Variants in VSTM2B observed in about 807,000 individuals in gnomAD.
VSTM2B encodes V-set and transmembrane domain containing 2B.
In VSTM2B, 24 loss-of-function variants were observed where a neutral mutation model predicts 24.0. That is an observed-to-expected ratio of 1.00 (90% CI 0.72 to 1.40). The LOEUF (loss-of-function observed/expected upper bound fraction) is 1.40, where lower values mean the gene tolerates loss of function less well. Among genes scored for constraint, VSTM2B ranks in the 40% most tolerant of loss-of-function variants. The pLI, the probability that VSTM2B is intolerant of heterozygous loss-of-function variation, is 0.00. For missense variants in VSTM2B, 399 were observed against 416.4 expected (o/e 0.96, Z 0.36); for synonymous variants, 226 against 194.4 (o/e 1.16, Z -1.35).
In VSTM2B at chr19:29,529,818, G is replaced by T; in HGVS notation, c.298-1G>T. ...CGGCCTCTAACCCTGCTCTCTTGCA[G>T]ACCGTACGCGTCCAGGGCAATGACA... On this transcript the variant is annotated splice_acceptor_variant, in intron 3 of 4. Transcript: ENST00000335523. LOFTEE classifies it high-confidence loss of function. The T allele has an allele frequency of 1.9e-6, 3 of 1,549,112 alleles. No individual in the cohort carries two copies. The highest frequency in any genetic ancestry group is 1.2e-5 in the South Asian group (1 of 83,634).
chr19:29,539,854 C>G (rs1290823151), intron 4 of VSTM2B, among the ~76,000 whole-genome samples: 1 of 152,176 alleles, frequency 6.6e-6, no homozygotes, highest in Non-Finnish European at 1.5e-5. Flanking sequence ...CTGTCTCCAC[C>G]CCTCACGCCC....
In VSTM2B at chr19:29,561,513, T is replaced by C. The variant is rs1294045593; in HGVS notation, c.770-2333T>C. ...GGTGTGGGGTGCCTGTAATCCCAGC[T>C]ACTTGGGAGGCTGAGGCAGGAGAAT... is the stretch of plus-strand genomic sequence containing the variant. On this transcript the variant is annotated intron_variant, in intron 4 of 4. Transcript: ENST00000335523. Among the ~76,000 whole-genome samples the C allele has an allele frequency of 2.6e-5, 4 of 152,016 alleles. No homozygotes were observed. In the East Asian group the frequency reaches 7.7e-4, roughly 29 times the overall value.
intron 4 of VSTM2B, among the ~76,000 whole-genome samples, chr19:29,553,331 C>A (rs1247275022): frequency 6.6e-6 from 1 of 152,170 alleles, no homozygotes; most frequent in Non-Finnish European, 1.5e-5. Flanking sequence ...CTGGAGTGGA[C>A]CCCCAGCAAA....
intron 4 of VSTM2B, among the ~76,000 whole-genome samples, chr19:29,545,823 C>G (rs1970140291): frequency 6.6e-6 from 1 of 151,942 alleles, no homozygotes; most frequent in African/African-American, 2.4e-5. Flanking sequence ...TTTGGTAGAA[C>G]CAACCTGCAC....
intron 4 of VSTM2B, among the ~76,000 whole-genome samples, chr19:29,543,117 G>T (rs1419638458): frequency 6.6e-6 from 1 of 152,134 alleles, no homozygotes; most frequent in Non-Finnish European, 1.5e-5. Context: ...GCTGATTCTT[G>T]TCCACGTACA....
rs181698277 is a variant in VSTM2B at position 29,561,750 on chromosome 19, C to A, written c.770-2096C>A. Among the ~76,000 whole-genome samples, 463 of 152,332 alleles carry A rather than the reference C, an allele frequency of 3.0e-3. 6 individuals are homozygous for A. Among genetic ancestry groups the A allele is most frequent in the South Asian group, 0.027 (132 of 4,824 alleles). On this transcript the variant is annotated intron_variant, in intron 4 of 4. Coordinates refer to ENST00000335523, the MANE Select transcript of VSTM2B (RefSeq NM_001146339.2). ...TGGCTGGATCCCCACTTTCCACACA[C>A]CCGAGCCTCAGGGAACTCCACCCAG...
intron 4 of VSTM2B, 71 bp downstream of exon 4, chr19:29,530,361 G>A (rs1969720250): frequency 4.4e-6 from 6 of 1,349,818 alleles, no homozygotes; most frequent in Non-Finnish European, 5.8e-6. Context: ...GGACGCCCCG[G>A]GGGGCTCCGG....
intron 4 of VSTM2B, among the ~76,000 whole-genome samples, chr19:29,557,427 G>A (rs1025089145): frequency 5.3e-5 from 8 of 152,208 alleles, no homozygotes; most frequent in South Asian, 2.1e-4. Context: ...AGCTGGGCAC[G>A]GTGGCTTATG....
chr19:29,532,302 A>T lies in VSTM2B; in HGVS notation c.769+2012A>T, dbSNP rs142720455. Reference sequence around the variant, plus strand: ...CAACATGGATGTAGGGCCCGCTGGGAAATGTAGTCCTTGGTGTGGCGGCTG... The same window carrying T: ...CAACATGGATGTAGGGCCCGCTGGGTAATGTAGTCCTTGGTGTGGCGGCTG... On this transcript the variant is annotated intron_variant, in intron 4 of 4. Coordinates refer to ENST00000335523, the MANE Select transcript of VSTM2B (RefSeq NM_001146339.2). Among the ~76,000 whole-genome samples, 61 of 152,270 alleles carry T rather than the reference A, an allele frequency of 4.0e-4. No individual in the cohort carries two copies. The East Asian group carries it at 0.011, about 27-fold the overall frequency.
chr19:29,529,724 T>C, intron 3 of VSTM2B, 95 bp from the exon 4 acceptor site: 3 of 1,233,910 alleles, frequency 2.4e-6, no homozygotes, highest in Non-Finnish European at 3.4e-6. Context: ...CGGGAAGTGT[T>C]GGGGTGCGCG....
intron 4 of VSTM2B, among the ~76,000 whole-genome samples, chr19:29,532,379 G>T (rs1286380995): frequency 2.6e-5 from 4 of 152,188 alleles, no homozygotes; most frequent in African/African-American, 9.7e-5. Flanking sequence ...TCTTCGAGGA[G>T]TTAGCCATCT....
intron 4 of VSTM2B, among the ~76,000 whole-genome samples, chr19:29,555,715 A>T (rs1232997425): frequency 1.3e-5 from 2 of 152,158 alleles, no homozygotes; most frequent in African/African-American, 4.8e-5. Context: ...ATAAAAAATG[A>T]TAAAGGAGAT....
At chr19:29,563,142 A>G (rs946765224) in intron 4 of VSTM2B, among the ~76,000 whole-genome samples, 1 of 152,136 alleles carries the variant, frequency 6.6e-6, no homozygotes, top group African/African-American at 2.4e-5. Context: ...CACAAGGGAC[A>G]GAATTGTGTG....
chr19:29,535,458 T>C (rs1969864356), intron 4 of VSTM2B, among the ~76,000 whole-genome samples: 1 of 152,160 alleles, frequency 6.6e-6, no homozygotes, highest in South Asian at 2.1e-4. Flanking sequence ...AAAGGCACCA[T>C]GGCCCCCACA....
chr19:29,527,423 G>GCGCGCCCGGCT (rs1328179668), intron 2 of VSTM2B, 28 bp downstream of exon 2: 11 of 1,444,966 alleles, frequency 7.6e-6, no homozygotes, highest in East Asian at 2.7e-5. Flanking sequence ...CGGTACCGGC[G>GCGCGCCCGGCT]CGCGCCCGGC....
At chr19:29,543,137 A>T (rs1188374394) in intron 4 of VSTM2B, among the ~76,000 whole-genome samples, 2 of 152,192 alleles carry the variant, frequency 1.3e-5, no homozygotes, top group Non-Finnish European at 1.5e-5. Context: ...AAATTAATGT[A>T]GATATGTTTT....
At chr19:29,550,509 C>T (rs1022497946) in intron 4 of VSTM2B, among the ~76,000 whole-genome samples, 1 of 152,122 alleles carries the variant, frequency 6.6e-6, no homozygotes, top group Non-Finnish European at 1.5e-5. Context: ...CTGCTTGACA[C>T]AGAGGAGGGA....
chr19:29,531,857 C>T (rs746484464), intron 4 of VSTM2B, among the ~76,000 whole-genome samples: 1 of 152,250 alleles, frequency 6.6e-6, no homozygotes, highest in Non-Finnish European at 1.5e-5. Flanking sequence ...CCCTGGAGTG[C>T]CCCAGGGCAT....
At chr19:29,553,328 G>A (rs1970329149) in intron 4 of VSTM2B, among the ~76,000 whole-genome samples, 1 of 152,186 alleles carries the variant, frequency 6.6e-6, no homozygotes, top group Non-Finnish European at 1.5e-5. Flanking sequence ...GGTCTGGAGT[G>A]GACCCCCAGC....
Sources: gnomAD v4.1 joint callset for allele counts (sites outside exome capture counted in the v4.1 genomes callset) on GRCh38, gnomAD v4.1.1 for gene constraint, MANE v1.5 for transcripts, NCBI Gene and HGNC (gene_info 2026-07-23, HGNC 2026-07-21) for gene names.